The following REC114 variants were observed in gnomAD, a reference collection of about 807,000 sequenced individuals.
The protein encoded by REC114 is meiotic recombination protein REC114.
A neutral mutation model predicts 31.3 loss-of-function variants in REC114; 27 were observed. The ratio of observed to expected loss-of-function variants is 0.86; its 90% CI spans 0.64 to 1.19. The LOEUF (loss-of-function observed/expected upper bound fraction) is 1.19, where lower values mean the gene tolerates loss of function less well. REC114 is among the 50% of genes most tolerant of loss of function. The pLI, the probability that REC114 is intolerant of heterozygous loss-of-function variation, is 0.00. For missense variants in REC114, 344 were observed against 326.9 expected (o/e 1.05, Z -0.40); for synonymous variants, 134 against 127.7 (o/e 1.05, Z -0.33).
chr15:73,524,153 G>C (rs1342806451), intron 2 of REC114, among the ~76,000 whole-genome samples: 1 of 152,174 alleles, frequency 6.6e-6, no homozygotes, highest in Non-Finnish European at 1.5e-5. Context: ...GGAGACATCA[G>C]TTTGAAAACA....
chr15:73,466,656 T>G (rs1893065090), intron 1 of REC114, among the ~76,000 whole-genome samples: 1 of 152,228 alleles, frequency 6.6e-6, no homozygotes, highest in African/African-American at 2.4e-5. Context: ...CTCTTAACGT[T>G]CTTTAGTTTC....
At chr15:73,540,618 G>T in intron 3 of REC114, 50 bp downstream of exon 3, 2 of 1,498,548 alleles carry the variant, frequency 1.3e-6, no homozygotes, top group South Asian at 2.3e-5. Flanking sequence ...ATGTGTGTAT[G>T]TTGGGGAGGT....
At chr15:73,495,871 A>C (rs1173583745) in intron 2 of REC114, among the ~76,000 whole-genome samples, 2 of 152,188 alleles carry the variant, frequency 1.3e-5, no homozygotes, top group Non-Finnish European at 2.9e-5. Flanking sequence ...TTTTACTTTG[A>C]CTATTACTAA....
At chr15:73,525,330 T>C (rs1032493329) in intron 2 of REC114, among the ~76,000 whole-genome samples, 4 of 152,174 alleles carry the variant, frequency 2.6e-5, no homozygotes, top group Admixed American at 1.3e-4. Context: ...ATATTTTTGT[T>C]TCATTAAATT....
At chr15:73,485,054 A>C (rs1893346792) in intron 2 of REC114, among the ~76,000 whole-genome samples, 1 of 152,210 alleles carries the variant, frequency 6.6e-6, no homozygotes, top group Admixed American at 6.5e-5. Context: ...GATTTAGCAT[A>C]AACTTTTAAA....
At chr15:73,554,343 C>T (rs747842764) in intron 4 of REC114, among the ~76,000 whole-genome samples, 8 of 152,312 alleles carry the variant, frequency 5.3e-5, no homozygotes, top group Non-Finnish European at 8.8e-5. Context: ...CCGTCTTAAG[C>T]GGCACAAGCC....
At chr15:73,479,194 T>C (rs998846588) in intron 2 of REC114, among the ~76,000 whole-genome samples, 1 of 144,726 alleles carries the variant, frequency 6.9e-6, no homozygotes, top group Non-Finnish European at 1.5e-5. Context: ...TAGCTGTAGG[T>C]TTTTTTTTTT....
intron 2 of REC114, among the ~76,000 whole-genome samples, chr15:73,502,492 TATG>T (rs1353797319): frequency 6.6e-6 from 1 of 152,240 alleles, no homozygotes; most frequent in Non-Finnish European, 1.5e-5. Context: ...ACTGTATTCT[TATG>T]ATAAATTAAG....
rs1303178184 is a variant in REC114 at position 73,520,489 on chromosome 15, A to G, written c.250-19996A>G. ...TGTGATCCACCCACCTTGGCCCCCA[A>G]AGTGTTGGGATTACAGGTGTGAGCC... On this transcript the variant is annotated intron_variant, in intron 2 of 5. Coordinates refer to ENST00000331090, the MANE Select transcript of REC114 (RefSeq NM_001042367.2). 2.0e-5 allele frequency among the ~76,000 whole-genome samples: 3 copies of G among 152,106 alleles called. No homozygotes were observed. The East Asian group carries it at 5.8e-4, about 29-fold the overall frequency.
chr15:73,448,916 A>G (rs1013291761), intron 1 of REC114, among the ~76,000 whole-genome samples: 3 of 152,238 alleles, frequency 2.0e-5, no homozygotes, highest in African/African-American at 7.2e-5. Flanking sequence ...GACTGTTAGA[A>G]GGAAAACAAA....
At chr15:73,475,574 A>G (rs1893200002) in intron 2 of REC114, among the ~76,000 whole-genome samples, 1 of 152,182 alleles carries the variant, frequency 6.6e-6, no homozygotes, top group African/African-American at 2.4e-5. Context: ...AATATTGTAT[A>G]TGTTTTAAGT....
chr15:73,510,987 TG>T (rs1761921153), intron 2 of REC114, among the ~76,000 whole-genome samples: 1 of 152,238 alleles, frequency 6.6e-6, no homozygotes, highest in Non-Finnish European at 1.5e-5. Flanking sequence ...TCCCTCTTTT[TG>T]TATTGATTGG....
At chr15:73,487,035 A>T (rs1450265353) in intron 2 of REC114, among the ~76,000 whole-genome samples, 1 of 151,346 alleles carries the variant, frequency 6.6e-6, no homozygotes, top group Non-Finnish European at 1.5e-5. Flanking sequence ...AAAAAAAAAT[A>T]CTCTATTCCC....
At chr15:73,456,340 T>C (rs1892915262) in intron 1 of REC114, among the ~76,000 whole-genome samples, 1 of 148,846 alleles carries the variant, frequency 6.7e-6, no homozygotes. Flanking sequence ...TTCTTAGACT[T>C]TTTTTTTTTC....
chr15:73,448,764 G>T (rs1162841248), intron 1 of REC114, among the ~76,000 whole-genome samples: 1 of 152,148 alleles, frequency 6.6e-6, no homozygotes, highest in Non-Finnish European at 1.5e-5. Context: ...GCTGGCATCT[G>T]GGGGGTGCCC....
intron 1 of REC114, among the ~76,000 whole-genome samples, chr15:73,450,173 A>C (rs1157611444): frequency 6.6e-6 from 1 of 152,192 alleles, no homozygotes; most frequent in Non-Finnish European, 1.5e-5. Context: ...AAATGCCCCA[A>C]TTAAAAGACA....
At chr15:73,453,942 G>A (rs1892884463) in intron 1 of REC114, among the ~76,000 whole-genome samples, 1 of 151,272 alleles carries the variant, frequency 6.6e-6, no homozygotes, top group South Asian at 2.1e-4. Flanking sequence ...ACATGGGTGG[G>A]GGGCATCACA....
At chr15:73,468,573 G>A (rs1055162700) in intron 1 of REC114, among the ~76,000 whole-genome samples, 1 of 151,824 alleles carries the variant, frequency 6.6e-6, no homozygotes, top group Non-Finnish European at 1.5e-5. Context: ...TCTGATTACA[G>A]TGGTAAGAAC....
At chr15:73,485,925 TTG>T (rs1049616651) in intron 2 of REC114, among the ~76,000 whole-genome samples, 2 of 152,224 alleles carry the variant, frequency 1.3e-5, no homozygotes, top group African/African-American at 4.8e-5. Flanking sequence ...TTTGTGTGTT[TTG>T]TTATTTCTCT....
Sources: allele counts gnomAD v4.1 joint callset (sites outside exome capture counted in the v4.1 genomes callset), GRCh38; gene constraint gnomAD v4.1.1; transcripts MANE v1.5; gene names NCBI Gene and HGNC (gene_info 2026-07-23, HGNC 2026-07-21).